Variants in VAC14 observed in about 807,000 individuals in gnomAD.
The protein encoded by VAC14 is protein VAC14 homolog.
A neutral mutation model predicts 85.3 loss-of-function variants in VAC14; 47 were observed. That is an observed-to-expected ratio of 0.55 (90% CI 0.44 to 0.70). The LOEUF is 0.70. Ranked by LOEUF, VAC14 falls within the 30% of genes least tolerant of loss-of-function variation. VAC14 has a pLI of 0.00. For synonymous variants in VAC14, 447 were observed against 430.5 expected (o/e 1.04, Z -0.47); for missense variants, 861 against 1,004.3 (o/e 0.86, Z 1.93).
intron 12 of VAC14, among the ~76,000 whole-genome samples, chr16:70,759,988 C>G (rs1041534199): frequency 6.6e-6 from 1 of 152,172 alleles, no homozygotes; most frequent in Non-Finnish European, 1.5e-5. Flanking sequence ...GACGACTCCC[C>G]GCAGAGAACC....
chr16:70,760,251 T>C (rs922747069), intron 12 of VAC14, among the ~76,000 whole-genome samples: 3 of 152,096 alleles, frequency 2.0e-5, no homozygotes, highest in Non-Finnish European at 4.4e-5. Flanking sequence ...GGAGCTCCAA[T>C]TCGAGATCAG....
At chr16:70,691,499 G>T in intron 18 of VAC14, 2 of 985,436 alleles carry the variant, frequency 2.0e-6, no homozygotes, top group Non-Finnish European at 2.4e-6. Flanking sequence ...ACAGCACTCC[G>T]GCCCCAGGAA....
intron 14 of VAC14, among the ~76,000 whole-genome samples, chr16:70,711,088 G>C (rs2054023447): frequency 6.6e-6 from 1 of 152,258 alleles, no homozygotes; most frequent in African/African-American, 2.4e-5. Context: ...CACCCAGAAG[G>C]CTGCGCATTT....
Position 70,744,739 on chromosome 16 carries a change from G to A in VAC14, c.1372-160C>T, listed in dbSNP as rs533090229. 5.2e-6 allele frequency: 4 copies of A among 764,328 alleles called. No individual in the cohort carries two copies. The African/African-American group carries it at 7.3e-5, about 14-fold the overall frequency. The allele number at this position is 764,328 out of a possible 1,614,324, so 47.3% of individuals were successfully genotyped here. On this transcript the variant is annotated intron_variant, in intron 12 of 18. Coordinates refer to ENST00000261776, the MANE Select transcript of VAC14 (RefSeq NM_018052.5). ...GCCACTAAGGCCACAGCTGGGGCATGCTCAGAAAAGTGAAACAAAGTATCC... is the reference window on the plus strand; with the variant it reads ...GCCACTAAGGCCACAGCTGGGGCATACTCAGAAAAGTGAAACAAAGTATCC...
At chr16:70,765,882 A>G (rs1472850438) in intron 10 of VAC14, among the ~76,000 whole-genome samples, 1 of 152,184 alleles carries the variant, frequency 6.6e-6, no homozygotes, top group Non-Finnish European at 1.5e-5. Flanking sequence ...CTGAAATCCC[A>G]GCACTTTGGG....
At chr16:70,733,328 TCCA>T (rs1432110984) in intron 13 of VAC14, among the ~76,000 whole-genome samples, 1 of 152,236 alleles carries the variant, frequency 6.6e-6, no homozygotes, top group Admixed American at 6.5e-5. Flanking sequence ...TGAATAATAT[TCCA>T]CTTTATATTC....
At chr16:70,786,910 G>A (rs986843217) in intron 1 of VAC14, among the ~76,000 whole-genome samples, 5 of 152,194 alleles carry the variant, frequency 3.3e-5, no homozygotes, top group African/African-American at 1.2e-4. Context: ...CTACAGGGAG[G>A]TGCCGGCTGA....
At chr16:70,779,835 CT>C (rs567318932) in intron 9 of VAC14, among the ~76,000 whole-genome samples, 78 of 151,572 alleles carry the variant, frequency 5.1e-4, no homozygotes, top group African/African-American at 1.8e-3. Context: ...AATGTGGTTT[CT>C]TTTTTCTTTT....
chr16:70,773,118 GA>G (rs2033331328), intron 9 of VAC14: 1 of 152,208 alleles, frequency 6.6e-6, no homozygotes, highest in Admixed American at 6.5e-5. Flanking sequence ...CAAGGGCACG[GA>G]AAATATTCTA....
Position 70,762,342 on chromosome 16 carries a change from A to C in VAC14, c.1371+198T>G, listed in dbSNP as rs533552373. 1.2e-4 allele frequency among the ~76,000 whole-genome samples: 18 copies of C among 152,264 alleles called. No homozygotes were observed. Among genetic ancestry groups the C allele is most frequent in the African/African-American group, 4.3e-4 (18 of 41,556 alleles). ...AGGCTAGTCTCGAACTCCTGGCCTCAAGTGATCCACCCACCTTGGCCTCCC... is the reference window on the plus strand; with the variant it reads ...AGGCTAGTCTCGAACTCCTGGCCTCCAGTGATCCACCCACCTTGGCCTCCC... On this transcript the variant is annotated intron_variant, in intron 12 of 18. Transcript: ENST00000261776. The surrounding 1 kb of genome is among the most constrained non-coding windows in gnomAD (Gnocchi z 4.1).
chr16:70,698,816 A>G lies in VAC14; in HGVS notation c.1662-5T>C, dbSNP rs781774020. The G allele has an allele frequency of 1.8e-5, 29 of 1,613,334 alleles. No individual in the cohort carries two copies. The highest frequency in any genetic ancestry group is 1.3e-5 in the African/African-American group (1 of 74,918). On this transcript the variant is annotated splice_region_variant and splice_polypyrimidine_tract_variant and intron_variant, in intron 14 of 18. Coordinates refer to ENST00000261776, the MANE Select transcript of VAC14 (RefSeq NM_018052.5). ...TTCAGCAGGAGGCACAGCTGCCTGG[A>G]GAGCAGGCAGACTGGGGTCAGGGCG...
intron 13 of VAC14, among the ~76,000 whole-genome samples, chr16:70,732,714 C>T (rs2054627341): frequency 6.6e-6 from 1 of 151,582 alleles, no homozygotes; most frequent in South Asian, 2.1e-4. Flanking sequence ...GTGATCTTGG[C>T]TCACTGCAAC....
intron 10 of VAC14, chr16:70,771,240 T>C (rs756439714): frequency 6.6e-6 from 1 of 152,198 alleles, no homozygotes; most frequent in East Asian, 1.9e-4. Context: ...AGAGAATTAT[T>C]TTGCTGCCTG....
intron 12 of VAC14, among the ~76,000 whole-genome samples, chr16:70,757,610 A>G (rs1028480652): frequency 4.6e-5 from 7 of 152,236 alleles, no homozygotes; most frequent in South Asian, 2.1e-4. Flanking sequence ...TCCGGCCTCT[A>G]GAGACAGGCA....
At chr16:70,775,799 AT>A (rs149039374) in intron 9 of VAC14, among the ~76,000 whole-genome samples, 7,778 of 152,286 alleles carry the variant, frequency 0.051, 569 homozygotes, top group African/African-American at 0.16. Context: ...GGCATCAGAA[AT>A]TGGCCTCAAA....
Position 70,695,907 on chromosome 16 carries a change from G to A in VAC14, c.1956-284C>T, listed in dbSNP as rs895834979. On this transcript the variant is annotated intron_variant, in intron 16 of 18. Transcript: ENST00000261776. ...TATCACAGCGCTGCAGCCCGTTGGG[G>A]GAGGGCTGGGCAGGAAGGGTTCTCT... 14 of 309,870 alleles carry A rather than the reference G, an allele frequency of 4.5e-5. No individual in the cohort carries two copies. The Admixed American group carries it at 5.2e-4, about 12-fold the overall frequency. 19.2% of individuals were successfully genotyped at this position (309,870 alleles called of 1,614,324 possible).
chr16:70,772,165 T>A lies in VAC14; in HGVS notation c.1104A>T (p.Pro368=), dbSNP rs202217163. The A allele has an allele frequency of 6.2e-7, 1 of 1,614,058 alleles. No individual in the cohort carries two copies. The highest frequency in any genetic ancestry group is 2.2e-5 in the East Asian group (1 of 44,880). ...TGAAGCTGGAGTCACAGGAACCATC[T>A]GGACCTCCTGGGAGAGGAAGAGGAA... ...PKQEGTASGG[P]DGSCDSSFSS... The change falls in exon 10 of 19, where the codon CCA becomes CCT. Residue 368 remains proline, a synonymous_variant. Transcript: ENST00000261776.
In VAC14 at chr16:70,744,518, T is replaced by C. The variant is rs373193908; in HGVS notation, c.1433A>G (p.Asp478Gly). The C allele has an allele frequency of 2.9e-5, 47 of 1,613,182 alleles. No individual in the cohort carries two copies. The highest frequency in any genetic ancestry group is 3.9e-5 in the Non-Finnish European group (46 of 1,179,784). ...EIASSPAGQT[D>G]DPGPLDGPDL... ...AGGGCCATCGAGGGGGCCTGGGTCA[T>C]CCGTCTGGCCTGCGGGGGAGGAAGC... Residue 478 changes from aspartate to glycine, a missense_variant, in exon 13 of 19, where the codon GAT becomes GGT. Transcript: ENST00000261776.
chr16:70,710,894 T>G (rs568379438), intron 14 of VAC14, among the ~76,000 whole-genome samples: 54 of 152,366 alleles, frequency 3.5e-4, no homozygotes, highest in Non-Finnish European at 6.6e-4. Context: ...CACTAGTCTC[T>G]CGTGTTCCCG....
Sources: gnomAD v4.1 joint callset for allele counts (sites outside exome capture counted in the v4.1 genomes callset) on GRCh38, gnomAD v4.1.1 for gene constraint, Gnocchi (gnomAD v3.1) non-coding constraint, MANE v1.5 for transcripts, NCBI Gene and HGNC (gene_info 2026-07-23, HGNC 2026-07-21) for gene names.